The following ICA1 variants were observed in gnomAD, a reference collection of about 807,000 sequenced individuals.
The protein encoded by ICA1 is islet cell autoantigen 1.
ICA1 carries 40 observed loss-of-function variants against 71.0 expected under a neutral mutation model. The ratio of observed to expected loss-of-function variants is 0.56; its 90% CI spans 0.44 to 0.73. The LOEUF is 0.73. ICA1 is among the 30% of genes least tolerant of loss of function. ICA1 has a pLI of 0.00. For synonymous variants in ICA1, 207 were observed against 209.5 expected, an observed-to-expected ratio of 0.99 and a Z score of 0.10; for missense variants, 578 against 576.5, an observed-to-expected ratio of 1.00 and a Z score of -0.03.
At chr7:8,140,538 G>T (rs909603771) in intron 10 of ICA1, among the ~76,000 whole-genome samples, 1 of 152,194 alleles carries the variant, frequency 6.6e-6, no homozygotes, top group African/African-American at 2.4e-5. Flanking sequence ...GGAGCTGCTG[G>T]ATTACTTTGG....
chr7:8,154,501 G>T (rs934254249), intron 8 of ICA1, among the ~76,000 whole-genome samples: 1 of 152,142 alleles, frequency 6.6e-6, no homozygotes, highest in Non-Finnish European at 1.5e-5. Flanking sequence ...CAAATGGCTT[G>T]CTTTTCATTA....
chr7:8,200,979 C>T (rs1789445513), intron 6 of ICA1, among the ~76,000 whole-genome samples: 1 of 152,208 alleles, frequency 6.6e-6, no homozygotes, highest in African/African-American at 2.4e-5. Flanking sequence ...TGCCAAAAAA[C>T]CCCACAAATT....
At position 8,144,839 on chromosome 7, in the gene ICA1, A is replaced by T. The variant is rs533986040; in HGVS notation, c.805-867T>A. Among the ~76,000 whole-genome samples, 93 of 152,336 alleles carry T rather than the reference A, an allele frequency of 6.1e-4. No individual in the cohort carries two copies. Among genetic ancestry groups the T allele is most frequent in the African/African-American group, 2.2e-3 (91 of 41,576 alleles). Reference sequence around the variant, plus strand: ...CTTCTTATATTCTCAGAACTACTAAAATCCAAGTCATGAGCCTGGGGCCTT... The same window carrying T: ...CTTCTTATATTCTCAGAACTACTAATATCCAAGTCATGAGCCTGGGGCCTT... On this transcript the variant is annotated intron_variant, in intron 8 of 13. Transcript: ENST00000402384. The surrounding 1 kb of genome is among the most constrained non-coding windows in gnomAD (Gnocchi z 4.5).
chr7:8,249,406 C>T (rs761344082), intron 1 of ICA1, among the ~76,000 whole-genome samples: 15 of 152,318 alleles, frequency 9.8e-5, no homozygotes, highest in Non-Finnish European at 1.6e-4. Flanking sequence ...TTTAAAGACA[C>T]GCAACAGGGG....
At chr7:8,152,012 G>A (rs1798969991) in intron 8 of ICA1, among the ~76,000 whole-genome samples, 1 of 152,178 alleles carries the variant, frequency 6.6e-6, no homozygotes, top group African/African-American at 2.4e-5. Flanking sequence ...GCATTTTTTA[G>A]AATTAGCCCT....
intron 1 of ICA1, among the ~76,000 whole-genome samples, chr7:8,236,227 G>A (rs1801802591): frequency 6.6e-6 from 1 of 152,180 alleles, no homozygotes; most frequent in Non-Finnish European, 1.5e-5. Context: ...CAGATTGAAT[G>A]AAAAAGCAGG....
chr7:8,247,009 G>A (rs891503706), intron 1 of ICA1, among the ~76,000 whole-genome samples: 2 of 151,260 alleles, frequency 1.3e-5, no homozygotes, highest in African/African-American at 4.8e-5. Flanking sequence ...GCCTCCCAAA[G>A]TGCTGGGATT....
intron 6 of ICA1, among the ~76,000 whole-genome samples, chr7:8,217,372 C>A (rs1247256193): frequency 6.6e-6 from 1 of 152,160 alleles, no homozygotes; most frequent in African/African-American, 2.4e-5. Flanking sequence ...GTCCCTCCTT[C>A]CCTCCACCTC....
At chr7:8,246,693 CTT>C in intron 1 of ICA1, among the ~76,000 whole-genome samples, 1 of 152,340 alleles carries the variant, frequency 6.6e-6, no homozygotes, top group East Asian at 1.9e-4. Context: ...GGGAAGGACA[CTT>C]TGTTCAGGTT....
intron 6 of ICA1, among the ~76,000 whole-genome samples, chr7:8,164,649 C>G (rs973075419): frequency 6.6e-6 from 1 of 152,218 alleles, no homozygotes; most frequent in African/African-American, 2.4e-5. Context: ...TCTGTTCACC[C>G]CTATTTTCCC....
chr7:8,239,819 C>T (rs759138271), intron 1 of ICA1, among the ~76,000 whole-genome samples: 1 of 152,222 alleles, frequency 6.6e-6, no homozygotes, highest in Non-Finnish European at 1.5e-5. Context: ...TGAGATAGAA[C>T]TGCGAGGTGT....
intron 6 of ICA1, among the ~76,000 whole-genome samples, chr7:8,166,718 G>A (rs1043132903): frequency 1.2e-4 from 18 of 152,168 alleles, no homozygotes; most frequent in Admixed American, 2.6e-4. Context: ...TACAGAATGG[G>A]AGAAAATATT....
At position 8,223,111 on chromosome 7, in the gene ICA1, T is replaced by C. The variant is rs995140461; in HGVS notation, c.257-1713A>G. 6.6e-6 allele frequency among the ~76,000 whole-genome samples: 1 copy of C among 152,250 alleles called. No homozygotes were observed. Among genetic ancestry groups the C allele is most frequent in the Non-Finnish European group, 1.5e-5 (1 of 68,038 alleles). Reference sequence around the variant, plus strand: ...AATTCCTATAATTATAAGAAGGTTTTTTGTTTTTTAATACATTCCATTCCT... The same window carrying C: ...AATTCCTATAATTATAAGAAGGTTTCTTGTTTTTTAATACATTCCATTCCT... On this transcript the variant is annotated intron_variant, in intron 4 of 13. Coordinates refer to ENST00000402384, the MANE Select transcript of ICA1 (RefSeq NM_001136020.3). This position sits in a 1 kb window ranked among gnomAD's most constrained non-coding sequence, Gnocchi z 4.1.
chr7:8,252,643 T>A (rs1808580661), intron 1 of ICA1, among the ~76,000 whole-genome samples: 1 of 151,762 alleles, frequency 6.6e-6, no homozygotes, highest in African/African-American at 2.4e-5. Flanking sequence ...CATTAATAAA[T>A]CCATGTATTT....
chr7:8,152,726 CACCACCACCACCACA>C (rs1799614619), intron 8 of ICA1, among the ~76,000 whole-genome samples: 1 of 143,794 alleles, frequency 7.0e-6, no homozygotes, highest in Non-Finnish European at 1.6e-5. Context: ...CCTCCACCAT[CACCACCACCACCACA>C]ACCACCATCT....
At chr7:8,134,304 G>A (rs142934508) in intron 12 of ICA1, among the ~76,000 whole-genome samples, 1 of 152,298 alleles carries the variant, frequency 6.6e-6, no homozygotes, top group East Asian at 1.9e-4. Context: ...AACTCACATA[G>A]AGAGGAAGCT....
chr7:8,153,000 A>C (rs1360503648), intron 8 of ICA1, among the ~76,000 whole-genome samples: 1 of 151,478 alleles, frequency 6.6e-6, no homozygotes, highest in Non-Finnish European at 1.5e-5. Flanking sequence ...CTCCTCTAGC[A>C]CTGCTGCTGT....
chr7:8,156,645 T>C, intron 8 of ICA1: 1 of 538,418 alleles, frequency 1.9e-6, no homozygotes, highest in South Asian at 3.7e-5. Context: ...TTATGTTGGA[T>C]AATACTCTCA....
At chr7:8,125,754 T>C (rs972961428) in intron 13 of ICA1, among the ~76,000 whole-genome samples, 1 of 152,210 alleles carries the variant, frequency 6.6e-6, no homozygotes, top group Non-Finnish European at 1.5e-5. Flanking sequence ...GTTGACTGAA[T>C]GAGAGACTTG....
Sources: allele counts gnomAD v4.1 joint callset (sites outside exome capture counted in the v4.1 genomes callset), GRCh38; gene constraint gnomAD v4.1.1; non-coding constraint Gnocchi (gnomAD v3.1); transcripts MANE v1.5; gene names NCBI Gene and HGNC (gene_info 2026-07-23, HGNC 2026-07-21).